The following SP140L variants were observed in gnomAD, a reference collection of about 807,000 sequenced individuals.
The protein encoded by SP140L is SP140 like nuclear body protein.
SP140L carries 64 observed loss-of-function variants against 84.3 expected under a neutral mutation model. The ratio of observed to expected loss-of-function variants is 0.76; its 90% CI spans 0.62 to 0.94. The LOEUF (loss-of-function observed/expected upper bound fraction) is 0.94. SP140L is among the 40% of genes least tolerant of loss of function. The pLI, the probability that SP140L is intolerant of heterozygous loss-of-function variation, is 0.00. For missense variants in SP140L, 628 were observed against 692.5 expected (o/e 0.91, Z 1.05); for synonymous variants, 242 against 236.9 (o/e 1.02, Z -0.20).
chr2:230,331,925 C>T (rs912679066), intron 2 of SP140L, among the ~76,000 whole-genome samples: 5 of 151,860 alleles, frequency 3.3e-5, no homozygotes, highest in African/African-American at 9.7e-5. Context: ...GAATTTATAC[C>T]GTGTATTTTT....
At chr2:230,354,848 GGAAAGAAAGAAAGAAAGAAA>G (rs61603133) in intron 2 of SP140L, among the ~76,000 whole-genome samples, 36 of 108,836 alleles carry the variant, frequency 3.3e-4, no homozygotes, top group South Asian at 9.9e-4. Context: ...AAGAAAGAAA[GGAAAGAAAGAAAGAAAGAAA>G]GAAAGAAAGA....
At chr2:230,394,553 C>A (rs1336026252) in intron 13 of SP140L, among the ~76,000 whole-genome samples, 1 of 152,206 alleles carries the variant, frequency 6.6e-6, no homozygotes. Flanking sequence ...TCAGTGAGTA[C>A]ACTAAAGACC....
intron 2 of SP140L, among the ~76,000 whole-genome samples, chr2:230,353,946 T>C (rs1472364323): frequency 1.3e-5 from 2 of 152,156 alleles, no homozygotes; most frequent in Non-Finnish European, 2.9e-5. Flanking sequence ...ATTGTTACAG[T>C]TGAATCTGAA....
At chr2:230,375,228 T>C (rs1369751722) in intron 7 of SP140L, among the ~76,000 whole-genome samples, 2 of 152,230 alleles carry the variant, frequency 1.3e-5, no homozygotes, top group African/African-American at 4.8e-5. Flanking sequence ...TCTTCTTGAT[T>C]TGAAACATGA....
intron 4 of SP140L, 84 bp from the exon 5 acceptor site, chr2:230,361,530 G>A (rs892379370): frequency 2.9e-6 from 3 of 1,026,726 alleles, no homozygotes; most frequent in Non-Finnish European, 4.4e-6. Flanking sequence ...GCCTAATGCT[G>A]GAAATTCCTA....
intron 2 of SP140L, among the ~76,000 whole-genome samples, chr2:230,352,852 A>ACG (rs950232437): frequency 1.1e-4 from 17 of 148,952 alleles, no homozygotes; most frequent in Admixed American, 2.7e-4. Flanking sequence ...ATGCACACAC[A>ACG]CACATATATG....
chr2:230,346,961 C>G (rs1397183921), intron 2 of SP140L, among the ~76,000 whole-genome samples: 1 of 152,098 alleles, frequency 6.6e-6, no homozygotes, highest in Non-Finnish European at 1.5e-5. Flanking sequence ...TCCTTGTATC[C>G]TCACATTAGT....
In SP140L at chr2:230,403,713, A is replaced by T. The variant is rs1402651168; in HGVS notation, c.*817A>T. 4.6e-5 allele frequency: 7 copies of T among 151,988 alleles called. No individual in the cohort carries two copies. The highest frequency in any genetic ancestry group is 7.3e-5 in the African/African-American group (3 of 41,360). The allele number at this position is 151,988 out of a possible 1,614,324, so 9.4% of individuals were successfully genotyped here. ...CTCCTGTGCAAACATATATTATTAA[A>T]TTTTTTTTCCTCCTGTCAATCTACT... On this transcript the variant is annotated 3_prime_UTR_variant, in exon 19 of 19. Coordinates refer to ENST00000415673, the MANE Select transcript of SP140L (RefSeq NM_138402.6).
intron 7 of SP140L, among the ~76,000 whole-genome samples, chr2:230,379,055 A>C (rs1031373996): frequency 2.6e-5 from 4 of 152,152 alleles, no homozygotes; most frequent in African/African-American, 9.7e-5. Flanking sequence ...TCTTTTACCA[A>C]GTGCTAATGT....
chr2:230,366,802 T>G lies in SP140L; in HGVS notation c.524-4106T>G, dbSNP rs368815864. 2.9e-3 allele frequency among the ~76,000 whole-genome samples: 444 copies of G among 151,416 alleles called. 4 individuals are homozygous for G. Among genetic ancestry groups the G allele is most frequent in the African/African-American group, 0.01 (414 of 41,356 alleles). Reference sequence around the variant, plus strand: ...AGGCTAGATTGCAGTGGCATGATCTTGGCTCACTGCAACCTTCGTCTCCGG... The same window carrying G: ...AGGCTAGATTGCAGTGGCATGATCTGGGCTCACTGCAACCTTCGTCTCCGG... On this transcript the variant is annotated intron_variant, in intron 5 of 18. Transcript: ENST00000415673.
intron 12 of SP140L, 32 bp downstream of exon 12, chr2:230,392,261 C>T (rs2061848216): frequency 6.2e-7 from 1 of 1,611,252 alleles, no homozygotes; most frequent in East Asian, 2.2e-5. Context: ...AGACCTGTGC[C>T]CATTCTTCTT....
At chr2:230,343,123 AGG>A (rs1379520215) in intron 2 of SP140L, among the ~76,000 whole-genome samples, 2 of 117,834 alleles carry the variant, frequency 1.7e-5, no homozygotes, top group Admixed American at 8.5e-5. Flanking sequence ...GTACATGTGC[AGG>A]ATGTGCAGGT....
chr2:230,380,383 A>G (rs997453764), intron 7 of SP140L, among the ~76,000 whole-genome samples: 4 of 152,074 alleles, frequency 2.6e-5, no homozygotes, highest in Admixed American at 1.3e-4. Context: ...CCATATATAC[A>G]TTTTTTTATC....
intron 2 of SP140L, among the ~76,000 whole-genome samples, chr2:230,331,421 C>T (rs991812775): frequency 6.6e-6 from 1 of 152,112 alleles, no homozygotes; most frequent in African/African-American, 2.4e-5. Context: ...TAAATTCTCT[C>T]TTACATATAA....
At chr2:230,344,097 T>C (rs984813428) in intron 2 of SP140L, among the ~76,000 whole-genome samples, 13 of 152,138 alleles carry the variant, frequency 8.5e-5, no homozygotes, top group African/African-American at 3.1e-4. Flanking sequence ...GACTCGATGA[T>C]GTGTCTAATA....
chr2:230,347,775 A>G (rs2060252758), intron 2 of SP140L, among the ~76,000 whole-genome samples: 1 of 152,158 alleles, frequency 6.6e-6, no homozygotes, highest in South Asian at 2.1e-4. Flanking sequence ...GCTGGCCTGG[A>G]TTGCTGACTA....
intron 13 of SP140L, 45 bp downstream of exon 13, chr2:230,393,506 T>C (rs1175398691): frequency 1.3e-6 from 2 of 1,522,120 alleles, no homozygotes; most frequent in Admixed American, 4.5e-5. Context: ...ACACAACAGA[T>C]TTAACATGTA....
At chr2:230,379,535 A>G (rs2061343934) in intron 7 of SP140L, among the ~76,000 whole-genome samples, 1 of 152,062 alleles carries the variant, frequency 6.6e-6, no homozygotes, top group Non-Finnish European at 1.5e-5. Flanking sequence ...TTTACAGTTG[A>G]TATTTACTTA....
At chr2:230,330,289 C>A (rs892999016) in intron 2 of SP140L, among the ~76,000 whole-genome samples, 3 of 152,110 alleles carry the variant, frequency 2.0e-5, no homozygotes, top group African/African-American at 7.2e-5. Flanking sequence ...ACCCTTTTCC[C>A]CACTTATTGT....
Sources: allele counts gnomAD v4.1 joint callset (sites outside exome capture counted in the v4.1 genomes callset), GRCh38; gene constraint gnomAD v4.1.1; transcripts MANE v1.5; gene names NCBI Gene and HGNC (gene_info 2026-07-23, HGNC 2026-07-21).